The following MTUS2 variants were observed in gnomAD, a reference collection of about 807,000 sequenced individuals.
MTUS2 encodes microtubule-associated tumor suppressor candidate 2.
Under a neutral mutation model 114.1 loss-of-function variants are expected in MTUS2, and 40 were observed. The ratio of observed to expected loss-of-function variants is 0.35; its 90% confidence interval spans 0.27 to 0.46. The LOEUF (loss-of-function observed/expected upper bound fraction) is 0.46, where lower values mean the gene tolerates loss of function less well. Among genes scored for constraint, MTUS2 ranks in the 20% least tolerant of loss-of-function variants. MTUS2 has a pLI of 1.00. For synonymous variants in MTUS2, 688 were observed against 672.0 expected, an observed-to-expected ratio of 1.02 and a Z score of -0.37; for missense variants, 1,679 against 1,705.4, an observed-to-expected ratio of 0.98 and a Z score of 0.27.
chr13:28,949,129 A>G (rs1372282827), intron 2 of MTUS2, among the ~76,000 whole-genome samples: 2 of 152,234 alleles, frequency 1.3e-5, no homozygotes, highest in Non-Finnish European at 1.5e-5. Context: ...TTGCACAGAA[A>G]GGGATTCTTT....
In MTUS2 at chr13:28,949,297, A is replaced by AGTTTACCCAAG. The variant is rs1177044394; in HGVS notation, c.-242-75159_-242-75158insTTTACCCAAGG. Among the ~76,000 whole-genome samples, 1,314 of 152,314 alleles carry AGTTTACCCAAG rather than the reference A, an allele frequency of 8.6e-3. 16 individuals carry two copies. The highest frequency in any genetic ancestry group is 0.029 in the African/African-American group (1,210 of 41,572). On this transcript the variant is annotated intron_variant, in intron 2 of 15. Coordinates refer to ENST00000612955, the MANE Select transcript of MTUS2 (RefSeq NM_001033602.4). Reference sequence around the variant, plus strand: ...GGGCAGCTAGTTTACCCTGAATGGTAGCCAGTGGCCTGCCTTGGGGCTCTG... The same window carrying AGTTTACCCAAG: ...GGGCAGCTAGTTTACCCTGAATGGTAGTTTACCCAAGGCCAGTGGCCTGCCTTGGGGCTCTG...
intron 2 of MTUS2, among the ~76,000 whole-genome samples, chr13:28,992,714 A>ATTTAAAAT (rs1884916615): frequency 6.6e-6 from 1 of 152,190 alleles, no homozygotes; most frequent in Non-Finnish European, 1.5e-5. Context: ...AGTTGCTCAT[A>ATTTAAAAT]TTTAAAATTT....
chr13:29,394,359 G>A (rs1873740896), intron 8 of MTUS2, among the ~76,000 whole-genome samples: 1 of 152,162 alleles, frequency 6.6e-6, no homozygotes, highest in Admixed American at 6.5e-5. Context: ...TAGAAGCAGA[G>A]GGGAGGGGAG....
chr13:28,880,859 G>A (rs1358213158), intron 2 of MTUS2, among the ~76,000 whole-genome samples: 1 of 152,134 alleles, frequency 6.6e-6, no homozygotes, highest in Non-Finnish European at 1.5e-5. Flanking sequence ...TATAAAAGGT[G>A]GAGTTCTAGA....
chr13:29,385,092 A>G (rs542874465), intron 8 of MTUS2, among the ~76,000 whole-genome samples: 5 of 152,350 alleles, frequency 3.3e-5, no homozygotes, highest in Admixed American at 3.3e-4. Flanking sequence ...CAAGACCAAC[A>G]CAGGCTTCCA....
intron 8 of MTUS2, among the ~76,000 whole-genome samples, chr13:29,367,916 C>G (rs3121744): frequency 0.65 from 97,362 of 149,496 alleles, 31,937 homozygotes; most frequent in East Asian, 0.75. Flanking sequence ...TGTAGCTTTT[C>G]TTTTTTTTCC....
intron 8 of MTUS2, among the ~76,000 whole-genome samples, chr13:29,417,515 T>C (rs190638292): frequency 1.3e-5 from 2 of 152,360 alleles, no homozygotes; most frequent in Admixed American, 6.5e-5. Flanking sequence ...CTCATTTTTA[T>C]GTTCTTGGTT....
intron 7 of MTUS2, among the ~76,000 whole-genome samples, chr13:29,350,972 T>TATATATATATATATATATATATATATAC (rs1869209294): frequency 8.0e-6 from 1 of 125,438 alleles, no homozygotes; most frequent in Non-Finnish European, 1.5e-5. Flanking sequence ...TATATATATA[T>TATATATATATATATATATATATATATAC]ATATATATAT....
intron 7 of MTUS2, among the ~76,000 whole-genome samples, chr13:29,333,384 A>T (rs983780813): frequency 2.2e-4 from 33 of 151,838 alleles, no homozygotes; most frequent in Non-Finnish European, 1.0e-4. Flanking sequence ...TTTAGTAGAG[A>T]TGGGGTTTCT....
chr13:29,398,187 A>G (rs1000576497), intron 8 of MTUS2, among the ~76,000 whole-genome samples: 1 of 152,208 alleles, frequency 6.6e-6, no homozygotes, highest in African/African-American at 2.4e-5. Flanking sequence ...AGGGCCAGGC[A>G]TGGTGGCTCA....
chr13:29,459,905 G>T (rs564654952), intron 9 of MTUS2, among the ~76,000 whole-genome samples: 1 of 152,000 alleles, frequency 6.6e-6, no homozygotes, highest in Non-Finnish European at 1.5e-5. Flanking sequence ...TTCCTAAACT[G>T]TTCTGTCCCT....
intron 5 of MTUS2, among the ~76,000 whole-genome samples, chr13:29,212,976 C>T (rs1305244487): frequency 2.0e-5 from 3 of 152,004 alleles, no homozygotes; most frequent in Admixed American, 2.0e-4. Context: ...AGCGCCTATC[C>T]CAAAACTATC....
chr13:29,466,896 A>G (rs1267954961), intron 9 of MTUS2, among the ~76,000 whole-genome samples: 3 of 143,962 alleles, frequency 2.1e-5, no homozygotes, highest in African/African-American at 5.2e-5. Flanking sequence ...AAAAAAAAAA[A>G]GAAAAGAAAG....
At chr13:28,908,614 G>T (rs867817082) in intron 2 of MTUS2, among the ~76,000 whole-genome samples, 29 of 151,518 alleles carry the variant, frequency 1.9e-4, no homozygotes, top group African/African-American at 6.8e-4. Flanking sequence ...ATGTGCATGT[G>T]TCTTTATAGC....
At chr13:28,916,679 A>G (rs1207905434) in intron 2 of MTUS2, among the ~76,000 whole-genome samples, 1 of 151,640 alleles carries the variant, frequency 6.6e-6, no homozygotes, top group Non-Finnish European at 1.5e-5. Flanking sequence ...TGGCGTCTTT[A>G]GGTTTTTTTC....
rs1188499588 is a variant in MTUS2, at chr13:29,295,977, A to G, written c.2806+14112A>G. On this transcript the variant is annotated intron_variant, in intron 6 of 15. Coordinates refer to ENST00000612955, the MANE Select transcript of MTUS2 (RefSeq NM_001033602.4). ...GGGATTATGGTAGCTACAATTCAAG[A>G]TGAGATTTGGGTGGGGACACAGCCA... is the stretch of plus-strand genomic sequence containing the variant. Among the ~76,000 whole-genome samples, 3 of 152,220 alleles carry G rather than the reference A, an allele frequency of 2.0e-5. No individual in the cohort carries two copies. The Middle Eastern group carries it at 0.01, about 518-fold the overall frequency.
At position 29,408,395 on chromosome 13, in the gene MTUS2, G is replaced by A. The variant is rs139896159; in HGVS notation, c.3118-31588G>A. ...CCATGGTACAATCATAGCTCACTGC[G>A]GCCTCCATCTCCTGGGCTCAAGCGA... On this transcript the variant is annotated intron_variant, in intron 8 of 15. Coordinates refer to ENST00000612955, the MANE Select transcript of MTUS2 (RefSeq NM_001033602.4). 6.2e-3 allele frequency among the ~76,000 whole-genome samples: 950 copies of A among 152,152 alleles called. 12 individuals are homozygous for A. Among genetic ancestry groups the A allele is most frequent in the African/African-American group, 0.021 (889 of 41,476 alleles).
intron 8 of MTUS2, among the ~76,000 whole-genome samples, chr13:29,416,038 C>T (rs1171681880): frequency 1.3e-5 from 2 of 151,926 alleles, no homozygotes; most frequent in East Asian, 1.9e-4. Flanking sequence ...GCCTCAGCCT[C>T]CCGAGTAGCT....
intron 2 of MTUS2, among the ~76,000 whole-genome samples, chr13:29,007,144 G>C (rs912652989): frequency 1.3e-5 from 2 of 151,738 alleles, no homozygotes; most frequent in African/African-American, 4.8e-5. Context: ...TTTTTTAATG[G>C]GTTTGTAGCT....
Sources: gnomAD v4.1 joint callset for allele counts (sites outside exome capture counted in the v4.1 genomes callset) on GRCh38, gnomAD v4.1.1 for gene constraint, MANE v1.5 for transcripts, NCBI Gene and HGNC (gene_info 2026-07-23, HGNC 2026-07-21) for gene names.